UBP1: variants seen among roughly 807,000 people sequenced by gnomAD.
UBP1 encodes the protein upstream binding protein 1, also known as upstream-binding protein 1.
Under a neutral mutation model 76.1 loss-of-function variants are expected in UBP1, and 22 were observed. The ratio of observed to expected loss-of-function variants is 0.29; its 90% CI spans 0.21 to 0.41. UBP1 has a LOEUF of 0.41. Ranked by LOEUF, UBP1 falls within the 10% of genes least tolerant of loss-of-function variation. UBP1 has a pLI of 1.00. For synonymous variants in UBP1, 224 were observed against 237.1 expected, an observed-to-expected ratio of 0.94 and a Z score of 0.51; for missense variants, 436 against 668.1, an observed-to-expected ratio of 0.65 and a Z score of 3.83.
chr3:33,405,353 T>C (rs996609495), intron 8 of UBP1, among the ~76,000 whole-genome samples: 2 of 152,212 alleles, frequency 1.3e-5, no homozygotes, highest in East Asian at 1.9e-4. Context: ...CCATGGCATT[T>C]AGATTCCATA....
intron 2 of UBP1, among the ~76,000 whole-genome samples, chr3:33,420,149 A>C (rs990947583): frequency 1.3e-5 from 2 of 152,132 alleles, no homozygotes; most frequent in African/African-American, 4.8e-5. Flanking sequence ...TAGAAACCTT[A>C]TTTCTAAAGT....
At chr3:33,398,314 G>C (rs779605310) in intron 11 of UBP1, 2 of 152,156 alleles carry the variant, frequency 1.3e-5, no homozygotes, top group Non-Finnish European at 2.9e-5. Flanking sequence ...GTAAAACAAA[G>C]ATCAGAGAAG....
chr3:33,425,635 G>C lies in UBP1; in HGVS notation c.220C>G (p.Pro74Ala), dbSNP rs1235983628. The change falls in exon 2 of 16, where the codon CCA becomes GCA. Residue 74 changes from proline to alanine, a missense_variant. Pro to Ala is a conservative substitution (Grantham distance 27). This residue lies in a region of UBP1 where 161 missense variants were observed against 237.9 expected (regional missense o/e 0.68). Coordinates refer to ENST00000283629, the MANE Select transcript of UBP1 (RefSeq NM_014517.5). Reference sequence around the variant, plus strand: ...GTTTCATCATGCAGTTTTACTGCTGGTGACGTTGCAGCACACATCACATAC... The same window carrying C: ...GTTTCATCATGCAGTTTTACTGCTGCTGACGTTGCAGCACACATCACATAC... The part of the protein sequence containing the change: ...FQYVMCAATS[P>A]AVKLHDETLT... 6.3e-7 allele frequency: 1 copy of C among 1,587,050 alleles called. No individual in the cohort carries two copies. The highest frequency in any genetic ancestry group is 1.1e-5 in the South Asian group (1 of 88,390).
At chr3:33,439,513 G>C (rs1385323084) in intron 1 of UBP1, among the ~76,000 whole-genome samples, 1 of 152,232 alleles carries the variant, frequency 6.6e-6, no homozygotes, top group Non-Finnish European at 1.5e-5. Context: ...GGAGCGGTCC[G>C]AGGCCGACGC....
chr3:33,409,413 G>A (rs755246397), intron 6 of UBP1, 36 bp downstream of exon 6: 2 of 1,613,880 alleles, frequency 1.2e-6, no homozygotes, highest in Non-Finnish European at 1.7e-6. Flanking sequence ...GCAAAACTGA[G>A]CCTTAATTAC....
intron 1 of UBP1, among the ~76,000 whole-genome samples, chr3:33,433,365 TAAAA>T (rs1170395728): frequency 1.1e-3 from 125 of 113,070 alleles, no homozygotes; most frequent in African/African-American, 2.4e-3. Context: ...ACCCAGCCTT[TAAAA>T]AAAAAAAAAA....
intron 11 of UBP1, among the ~76,000 whole-genome samples, chr3:33,399,123 A>G (rs2044124055): frequency 6.6e-6 from 1 of 152,222 alleles, no homozygotes; most frequent in Non-Finnish European, 1.5e-5. Context: ...GGGATTCACA[A>G]AGTTGTGTTT....
chr3:33,411,999 G>A (rs898218063), intron 4 of UBP1, among the ~76,000 whole-genome samples: 1 of 151,720 alleles, frequency 6.6e-6, no homozygotes, highest in African/African-American at 2.4e-5. Context: ...CCAGCCTGGC[G>A]AACATGGTGA....
At chr3:33,439,210 G>A (rs1292927687) in intron 1 of UBP1, among the ~76,000 whole-genome samples, 1 of 152,142 alleles carries the variant, frequency 6.6e-6, no homozygotes, top group Non-Finnish European at 1.5e-5. Context: ...ACAATCAAAA[G>A]AACAAAACGA....
At chr3:33,433,118 T>C (rs1231144928) in intron 1 of UBP1, among the ~76,000 whole-genome samples, 1 of 151,494 alleles carries the variant, frequency 6.6e-6, no homozygotes, top group African/African-American at 2.4e-5. Context: ...TGGAATGCAG[T>C]GGCGCGATCT....
At chr3:33,405,319 T>C (rs561433300) in intron 8 of UBP1, among the ~76,000 whole-genome samples, 1 of 152,182 alleles carries the variant, frequency 6.6e-6, no homozygotes, top group African/African-American at 2.4e-5. Context: ...ATTTTTTGAA[T>C]GAACAATAGC....
chr3:33,412,587 A>G, intron 4 of UBP1, 135 bp downstream of exon 4: 1 of 639,670 alleles, frequency 1.6e-6, no homozygotes. Flanking sequence ...GTCTCAAAAA[A>G]AAAAAAAAAA....
intron 13 of UBP1, among the ~76,000 whole-genome samples, chr3:33,395,445 G>C (rs1226434360): frequency 7.9e-5 from 12 of 151,862 alleles, no homozygotes; most frequent in Admixed American, 5.2e-4. Flanking sequence ...CTTTTAAAAT[G>C]CTTGCTTTTT....
intron 3 of UBP1, among the ~76,000 whole-genome samples, 159 bp from the exon 4 acceptor site, chr3:33,412,986 G>A (rs1307068207): frequency 6.6e-6 from 1 of 152,062 alleles, no homozygotes; most frequent in Non-Finnish European, 1.5e-5. Context: ...TTGGATACCT[G>A]GATTACGGTA....
intron 15 of UBP1, 47 bp downstream of exon 15, chr3:33,392,516 A>G (rs763880538): frequency 6.5e-7 from 1 of 1,539,250 alleles, no homozygotes; most frequent in South Asian, 1.2e-5. Context: ...GGCACACACC[A>G]TCTCTCATGA....
intron 11 of UBP1, among the ~76,000 whole-genome samples, chr3:33,399,702 G>A (rs1414323045): frequency 6.6e-6 from 1 of 152,180 alleles, no homozygotes; most frequent in Non-Finnish European, 1.5e-5. Flanking sequence ...GATCCTTGTA[G>A]TGATGGCACA....
chr3:33,399,449 A>G (rs771295211), intron 11 of UBP1, among the ~76,000 whole-genome samples: 13 of 152,214 alleles, frequency 8.5e-5, no homozygotes, highest in Non-Finnish European at 1.9e-4. Context: ...GTAATTGAGT[A>G]CACTCAGACT....
At chr3:33,400,675 G>C (rs565549050) in intron 10 of UBP1, among the ~76,000 whole-genome samples, 2 of 152,230 alleles carry the variant, frequency 1.3e-5, no homozygotes, top group African/African-American at 4.8e-5. Flanking sequence ...GGAAGAATGG[G>C]TGAGGGATAA....
At chr3:33,401,153 C>T in intron 9 of UBP1, 137 bp from the exon 10 acceptor site, 1 of 690,202 alleles carries the variant, frequency 1.4e-6, no homozygotes, top group Non-Finnish European at 2.3e-6. Context: ...TGAAAGTCTG[C>T]AACAAAATGC....
Sources: allele counts gnomAD v4.1 joint callset (sites outside exome capture counted in the v4.1 genomes callset), GRCh38; gene constraint gnomAD v4.1.1; regional missense constraint gnomAD v4.1.1; transcripts MANE v1.5; gene names NCBI Gene and HGNC (gene_info 2026-07-23, HGNC 2026-07-21).